STK3: variants seen among roughly 807,000 people sequenced by gnomAD.
The protein encoded by STK3 is serine/threonine kinase 3, also known as serine/threonine-protein kinase 3.
Under a neutral mutation model 58.0 loss-of-function variants are expected in STK3, and 41 were observed. The observed-to-expected ratio is 0.71, with a 90% CI of 0.55 to 0.92. The LOEUF is 0.92. Ranked by LOEUF, STK3 falls within the 40% of genes least tolerant of loss-of-function variation. The pLI is 0.00. For missense variants in STK3, 479 were observed against 602.7 expected, an observed-to-expected ratio of 0.79 and a Z score of 2.15; for synonymous variants, 170 against 191.0, an observed-to-expected ratio of 0.89 and a Z score of 0.91.
chr8:98,764,993 A>G (rs895408270), intron 3 of STK3, among the ~76,000 whole-genome samples: 4 of 152,214 alleles, frequency 2.6e-5, no homozygotes, highest in African/African-American at 7.2e-5. Flanking sequence ...AAGGAAGATA[A>G]TGGGTTGGAG....
intron 4 of STK3, among the ~76,000 whole-genome samples, chr8:98,740,247 C>T (rs1829074924): frequency 6.6e-6 from 1 of 151,980 alleles, no homozygotes; most frequent in African/African-American, 2.4e-5. Context: ...CAGAGAACGC[C>T]ACAAAGATAC....
intron 4 of STK3, among the ~76,000 whole-genome samples, chr8:98,742,496 A>G (rs1829303625): frequency 8.1e-6 from 1 of 122,996 alleles, no homozygotes; most frequent in Non-Finnish European, 1.7e-5. Flanking sequence ...GATTATCTCA[A>G]TAGATGCAGA....
intron 6 of STK3, among the ~76,000 whole-genome samples, chr8:98,700,153 G>A (rs575407488): frequency 7.9e-5 from 12 of 152,314 alleles, no homozygotes; most frequent in African/African-American, 2.2e-4. Context: ...CTCCGTGGGC[G>A]TAGGACCCTC....
chr8:98,662,266 A>T (rs1203630927), intron 6 of STK3, among the ~76,000 whole-genome samples: 1 of 152,200 alleles, frequency 6.6e-6, no homozygotes, highest in African/African-American at 2.4e-5. Flanking sequence ...AAAATAAGTA[A>T]ATCGATATAC....
intron 9 of STK3, among the ~76,000 whole-genome samples, chr8:98,547,142 AAT>A (rs1810763881): frequency 6.6e-6 from 1 of 152,190 alleles, no homozygotes; most frequent in Non-Finnish European, 1.5e-5. Context: ...ATGGAGAGGC[AAT>A]ACTCTTCAGT....
chr8:98,346,726 GT>G, the STK3 span, among the ~76,000 whole-genome samples: 6 of 151,358 alleles, frequency 4.0e-5, no homozygotes, highest in Non-Finnish European at 7.4e-5. Flanking sequence ...AAAAACAAAA[GT>G]GAAATAAAAA....
chr8:98,417,960 A>G (rs777941025), intron 3 of STK3, among the ~76,000 whole-genome samples: 4 of 151,962 alleles, frequency 2.6e-5, no homozygotes, highest in Non-Finnish European at 5.9e-5. Context: ...CCCAGGCTGG[A>G]GTGCAGTGGT....
At chr8:98,783,786 A>C (rs1226757147) in intron 1 of STK3, among the ~76,000 whole-genome samples, 1 of 152,216 alleles carries the variant, frequency 6.6e-6, no homozygotes, top group Non-Finnish European at 1.5e-5. Flanking sequence ...TTTTATTTCC[A>C]AGATGGCAGA....
intron 10 of STK3, among the ~76,000 whole-genome samples, chr8:98,470,468 A>G (rs1390682236): frequency 6.6e-6 from 1 of 152,164 alleles, no homozygotes; most frequent in African/African-American, 2.4e-5. Context: ...TCACTGCCTC[A>G]TCTCACCCGT....
At chr8:98,384,560 C>T (rs1172521162) in intron 1 of STK3, among the ~76,000 whole-genome samples, 4 of 152,172 alleles carry the variant, frequency 2.6e-5, no homozygotes, top group Non-Finnish European at 5.9e-5. Flanking sequence ...TTTCTTCCTA[C>T]CTCCTACATG....
Position 98,774,780 on chromosome 8 carries a change from C to T in STK3, c.66G>A (p.Gln22=). ...CTAATACATCAAAAACTTCTTCAGG[C>T]TGCTTAGTCAAACTGTCTTCACTCA... ...KKLSEDSLTK[Q]PEEVFDVLEK... The change falls in exon 2 of 11, where the codon CAG becomes CAA. Residue 22 remains glutamine (Q), a synonymous_variant. Coordinates refer to ENST00000419617, the MANE Select transcript of STK3 (RefSeq NM_006281.4). The T allele has an allele frequency of 6.3e-7, 1 of 1,584,530 alleles. No individual in the cohort carries two copies. Among genetic ancestry groups the T allele is most frequent in the South Asian group, 1.2e-5 (1 of 83,474 alleles).
chr8:98,759,017 C>T (rs1830461076), intron 3 of STK3, among the ~76,000 whole-genome samples: 1 of 152,216 alleles, frequency 6.6e-6, no homozygotes, highest in Non-Finnish European at 1.5e-5. Context: ...TCTATCCAGA[C>T]CACTCAAACT....
Position 98,612,595 on chromosome 8 carries a change from C to T in STK3, c.685-16426G>A, listed in dbSNP as rs1390736925. ...TCTTCTTTGTCCCTTATATATTCCA[C>T]ACTTGGGGCCAGATAAGCCAACAAC... On this transcript the variant is annotated intron_variant, in intron 6 of 10. Transcript: ENST00000419617. 2.6e-5 allele frequency among the ~76,000 whole-genome samples: 4 copies of T among 151,808 alleles called. No homozygotes were observed. The South Asian group carries it at 6.2e-4, about 24-fold the overall frequency.
intron 8 of STK3, among the ~76,000 whole-genome samples, chr8:98,554,062 A>G (rs1811413033): frequency 1.3e-5 from 2 of 152,248 alleles, no homozygotes; most frequent in Admixed American, 1.3e-4. Flanking sequence ...AGGTCATACA[A>G]CAAATAAGTA....
At chr8:98,687,595 C>T (rs755226269) in intron 6 of STK3, among the ~76,000 whole-genome samples, 2 of 152,138 alleles carry the variant, frequency 1.3e-5, no homozygotes, top group Non-Finnish European at 2.9e-5. Context: ...CAGCACAAAT[C>T]CTACAAACCA....
At chr8:98,875,955 A>G (rs1344188083) in intron 3 of STK3, among the ~76,000 whole-genome samples, 1 of 152,184 alleles carries the variant, frequency 6.6e-6, no homozygotes, top group East Asian at 1.9e-4. Flanking sequence ...GCAGATGCTT[A>G]TTGACCAAGC....
At chr8:98,759,967 T>G (rs961095899) in intron 3 of STK3, among the ~76,000 whole-genome samples, 9 of 152,182 alleles carry the variant, frequency 5.9e-5, no homozygotes, top group Non-Finnish European at 2.9e-5. Context: ...GATTACTTAT[T>G]ACACCTAATA....
At chr8:98,426,795 G>A (rs1374253410) in intron 3 of STK3, among the ~76,000 whole-genome samples, 1 of 152,164 alleles carries the variant, frequency 6.6e-6, no homozygotes, top group Non-Finnish European at 1.5e-5. Context: ...GCTGTCACCG[G>A]GGGATGGTCG....
At chr8:98,898,016 G>A (rs760075273) in intron 1 of STK3, among the ~76,000 whole-genome samples, 2 of 152,146 alleles carry the variant, frequency 1.3e-5, no homozygotes, top group African/African-American at 2.4e-5. Context: ...TCTGGGCCTC[G>A]GTTTTCCTCA....
Sources: allele counts gnomAD v4.1 joint callset (sites outside exome capture counted in the v4.1 genomes callset), GRCh38; gene constraint gnomAD v4.1.1; transcripts MANE v1.5; gene names NCBI Gene and HGNC (gene_info 2026-07-23, HGNC 2026-07-21).